The following CACNA2D3 variants were observed in gnomAD, a reference collection of about 807,000 sequenced individuals.
The protein encoded by CACNA2D3 is voltage-dependent calcium channel subunit alpha-2/delta-3.
A neutral mutation model predicts 160.6 loss-of-function variants in CACNA2D3; 60 were observed. That is an observed-to-expected ratio of 0.37 (90% CI 0.30 to 0.46). The LOEUF is 0.46. Among genes scored for constraint, CACNA2D3 ranks in the 20% least tolerant of loss-of-function variants. The pLI, the probability that CACNA2D3 is intolerant of heterozygous loss-of-function variation, is 1.00. For synonymous variants in CACNA2D3, 558 were observed against 492.9 expected (o/e 1.13, Z -1.75); for missense variants, 1,205 against 1,365.0 (o/e 0.88, Z 1.85).
Position 54,697,142 on chromosome 3 carries a change from G to A in CACNA2D3, c.1167+54901G>A, listed in dbSNP as rs1400652701. On this transcript the variant is annotated intron_variant, in intron 11 of 37. Transcript: ENST00000474759. ...AAATACAAAACATTAGCCAGGCATG[G>A]TGGTGCATGCTTGTGGTCCCAGCTA... 2.0e-5 allele frequency among the ~76,000 whole-genome samples: 3 copies of A among 152,150 alleles called. No homozygotes were observed. The East Asian group carries it at 5.8e-4, about 29-fold the overall frequency.
chr3:54,982,962 G>A (rs141216038), intron 29 of CACNA2D3, among the ~76,000 whole-genome samples: 12 of 152,080 alleles, frequency 7.9e-5, no homozygotes, highest in African/African-American at 2.2e-4. Context: ...ATCTTATGCC[G>A]ACCTACTATC....
intron 4 of CACNA2D3, among the ~76,000 whole-genome samples, chr3:54,467,821 T>C (rs530326382): frequency 1.3e-5 from 2 of 152,258 alleles, no homozygotes; most frequent in Admixed American, 1.3e-4. Context: ...AGTAGGATGA[T>C]TAGAATTAAG....
chr3:54,772,070 T>G (rs1051611133), intron 13 of CACNA2D3, among the ~76,000 whole-genome samples: 1 of 151,516 alleles, frequency 6.6e-6, no homozygotes, highest in African/African-American at 2.4e-5. Flanking sequence ...GTGATTCCTT[T>G]AGGAATCAGA....
At chr3:54,677,208 A>G (rs1296109382) in intron 11 of CACNA2D3, among the ~76,000 whole-genome samples, 1 of 152,166 alleles carries the variant, frequency 6.6e-6, no homozygotes, top group Non-Finnish European at 1.5e-5. Context: ...TGGTACCATG[A>G]GTCTTATACC....
At position 54,822,778 on chromosome 3, in the gene CACNA2D3, C is replaced by CT. The variant is rs879763620; in HGVS notation, c.1398+5911dup. ...TCTTTCTTTCTTTCTTTCTTTCTTT[C>CT]TTTCTTTCTTTCCTTTCTTTCTTTC... On this transcript the variant is annotated intron_variant, in intron 14 of 37. Coordinates refer to ENST00000474759, the MANE Select transcript of CACNA2D3 (RefSeq NM_018398.3). Among the ~76,000 whole-genome samples, 505 of 81,378 alleles carry CT rather than the reference C, an allele frequency of 6.2e-3. 5 individuals are homozygous for CT. Among genetic ancestry groups the CT allele is most frequent in the Non-Finnish European group, 7.9e-3 (336 of 42,360 alleles). The allele number at this position is 81,378 out of a possible 152,430, so 53.4% of individuals were successfully genotyped here.
intron 2 of CACNA2D3, among the ~76,000 whole-genome samples, chr3:54,228,654 A>G (rs1559889034): frequency 6.6e-6 from 1 of 152,210 alleles, no homozygotes; most frequent in African/African-American, 2.4e-5. Flanking sequence ...TTTATCTGCA[A>G]CTTTATTCTT....
intron 2 of CACNA2D3, among the ~76,000 whole-genome samples, chr3:54,261,207 G>A (rs545332647): frequency 7.9e-5 from 12 of 152,124 alleles, no homozygotes; most frequent in African/African-American, 2.9e-4. Flanking sequence ...ATTATACAGG[G>A]CAAGTGGAAT....
intron 9 of CACNA2D3, among the ~76,000 whole-genome samples, chr3:54,605,311 C>G (rs1253991879): frequency 6.6e-6 from 1 of 152,192 alleles, no homozygotes; most frequent in Non-Finnish European, 1.5e-5. Context: ...AACCCAAACA[C>G]TGGTTGAAAC....
intron 11 of CACNA2D3, among the ~76,000 whole-genome samples, chr3:54,745,167 G>A (rs1333513500): frequency 6.6e-6 from 1 of 152,020 alleles, no homozygotes; most frequent in African/African-American, 2.4e-5. Flanking sequence ...TGGGCAGAGA[G>A]AGAGATCTAG....
intron 35 of CACNA2D3, among the ~76,000 whole-genome samples, chr3:55,061,533 C>T (rs1209421150): frequency 6.6e-6 from 1 of 152,148 alleles, no homozygotes; most frequent in East Asian, 1.9e-4. Flanking sequence ...CAAGCTTAAA[C>T]AATACAGGGA....
intron 2 of CACNA2D3, among the ~76,000 whole-genome samples, chr3:54,134,670 G>C (rs1011128047): frequency 7.2e-5 from 11 of 152,246 alleles, no homozygotes; most frequent in African/African-American, 2.7e-4. Flanking sequence ...AGCCCTGCAG[G>C]CAGGTCCCTT....
chr3:54,706,539 G>A (rs534448989), intron 11 of CACNA2D3, among the ~76,000 whole-genome samples: 1 of 152,128 alleles, frequency 6.6e-6, no homozygotes, highest in African/African-American at 2.4e-5. Context: ...TCAGGCTTTG[G>A]TGCTTGGACT....
chr3:54,283,190 G>A (rs1702922551), intron 2 of CACNA2D3, among the ~76,000 whole-genome samples: 1 of 152,230 alleles, frequency 6.6e-6, no homozygotes, highest in African/African-American at 2.4e-5. Flanking sequence ...GATAGGGAAG[G>A]TGGTGTCAGT....
intron 27 of CACNA2D3, among the ~76,000 whole-genome samples, chr3:54,946,744 C>A (rs755513606): frequency 1.3e-5 from 2 of 151,836 alleles, no homozygotes; most frequent in Non-Finnish European, 2.9e-5. Context: ...GAATCCAATC[C>A]TTTCTTAAAC....
chr3:54,798,477 A>C (rs1702916973), intron 13 of CACNA2D3, among the ~76,000 whole-genome samples: 1 of 152,188 alleles, frequency 6.6e-6, no homozygotes, highest in Non-Finnish European at 1.5e-5. Flanking sequence ...CAGAGGTTAC[A>C]GTGAGCCAAG....
intron 13 of CACNA2D3, among the ~76,000 whole-genome samples, chr3:54,815,973 A>C (rs1321582115): frequency 6.6e-6 from 1 of 152,238 alleles, no homozygotes; most frequent in East Asian, 1.9e-4. Flanking sequence ...AATGGCAGTC[A>C]TAATACTGTG....
chr3:54,982,711 TG>T (rs1702532466), intron 29 of CACNA2D3, among the ~76,000 whole-genome samples: 2 of 150,726 alleles, frequency 1.3e-5, no homozygotes, highest in South Asian at 4.2e-4. Flanking sequence ...CCCATTTTTA[TG>T]TTTTTTTTTT....
chr3:54,707,542 G>A (rs533232841), intron 11 of CACNA2D3, among the ~76,000 whole-genome samples: 12 of 152,306 alleles, frequency 7.9e-5, no homozygotes, highest in African/African-American at 2.9e-4. Context: ...GATGGTTTCA[G>A]ATTGACATTG....
At chr3:54,307,765 C>T (rs563516467) in intron 2 of CACNA2D3, among the ~76,000 whole-genome samples, 1 of 152,312 alleles carries the variant, frequency 6.6e-6, no homozygotes, top group South Asian at 2.1e-4. Context: ...ATCTTGCAGA[C>T]TCATTCATTG....
Sources: gnomAD v4.1 joint callset for allele counts (sites outside exome capture counted in the v4.1 genomes callset) on GRCh38, gnomAD v4.1.1 for gene constraint, MANE v1.5 for transcripts, NCBI Gene and HGNC (gene_info 2026-07-23, HGNC 2026-07-21) for gene names.